KRTAP12-3: variants seen among roughly 807,000 people sequenced by gnomAD.
KRTAP12-3 encodes the protein keratin-associated protein 12-3.
A neutral mutation model predicts 0.2 loss-of-function variants in KRTAP12-3; 1 was observed. The ratio of observed to expected loss-of-function variants is 4.14; its 90% confidence interval spans 1.47 to 19.66. The LOEUF is 19.66. Ranked by LOEUF, KRTAP12-3 falls within the 30% of genes most tolerant of loss-of-function variation. The pLI, the probability that KRTAP12-3 is intolerant of heterozygous loss-of-function variation, is 0.11. For synonymous variants in KRTAP12-3, 61 were observed against 54.3 expected, an observed-to-expected ratio of 1.12 and a Z score of -0.54; for missense variants, 116 against 128.2, an observed-to-expected ratio of 0.90 and a Z score of 0.46.
In KRTAP12-3 at chr21:44,657,983, T is replaced by C. The variant is rs1555942872; in HGVS notation, c.4T>C (p.Cys2Arg). The change falls in exon 1 of 1, where the codon TGC (cysteine) becomes CGC (arginine). Residue 2 changes from cysteine (C) to arginine (R), a missense_variant. Coordinates refer to ENST00000397907, the MANE Select transcript of KRTAP12-3 (RefSeq NM_198697.2). ...ACCAGCCCAGCCACACGCCACCATG[T>C]GCCACACCAGCTGCTCCCCAGCCTG... is the stretch of plus-strand genomic sequence containing the variant. MCHTSCSPACQP... is the reference protein window; with the variant it reads MRHTSCSPACQP... The C allele has an allele frequency of 3.7e-6, 6 of 1,612,984 alleles. No homozygotes were observed. Among genetic ancestry groups the C allele is most frequent in the Non-Finnish European group, 5.1e-6 (6 of 1,179,316 alleles).
rs782163697 is a variant in KRTAP12-3, at chr21:44,658,316, G to A, written c.*46G>A. 2 of 1,572,592 alleles carry A rather than the reference G, an allele frequency of 1.3e-6. No homozygotes were observed. Among genetic ancestry groups the A allele is most frequent in the Non-Finnish European group, 1.7e-6 (2 of 1,149,232 alleles). ...GGGGTACACACCTGTATCCCTCCGT[G>A]AATAAGCATCTGGTGGACCCCCAGA... On this transcript the variant is annotated 3_prime_UTR_variant, in exon 1 of 1. Coordinates refer to ENST00000397907, the MANE Select transcript of KRTAP12-3 (RefSeq NM_198697.2).
chr21:44,658,168 C>A lies in KRTAP12-3; in HGVS notation c.189C>A (p.Ile63=). The change falls in exon 1 of 1, where the codon ATC becomes ATA. Residue 63 remains isoleucine (I), a synonymous_variant. Coordinates refer to ENST00000397907, the MANE Select transcript of KRTAP12-3 (RefSeq NM_198697.2). ...GCGTGCCCGTGAGCTGCAGGCCCAT[C>A]ATATATGTGACTCCCTCTTGCCAAT... ...SVCVPVSCRP[I]IYVTPSCQSS... The A allele has an allele frequency of 6.2e-7, 1 of 1,614,186 alleles. No homozygotes were observed. Among genetic ancestry groups the A allele is most frequent in the Non-Finnish European group, 8.5e-7 (1 of 1,180,020 alleles).
chr21:44,658,306 AT>A lies in KRTAP12-3; in HGVS notation c.*37del, dbSNP rs1555943020. The A allele has an allele frequency of 1.9e-6, 3 of 1,585,020 alleles. No homozygotes were observed. The highest frequency in any genetic ancestry group is 2.2e-5 in the South Asian group (2 of 89,184). On this transcript the variant is annotated 3_prime_UTR_variant, in exon 1 of 1. Transcript: ENST00000397907. ...CTGGTACACGGGGGTACACACCTGT[AT>A]CCCTCCGTGAATAAGCATCTGGTGG... is the stretch of plus-strand genomic sequence containing the variant.
In KRTAP12-3 at chr21:44,658,155, G is replaced by A. The variant is rs782687163; in HGVS notation, c.176G>A (p.Ser59Asn). 2 of 1,614,164 alleles carry A rather than the reference G, an allele frequency of 1.2e-6. No individual in the cohort carries two copies. Among genetic ancestry groups the A allele is most frequent in the South Asian group, 1.1e-5 (1 of 91,084 alleles). ...CAGCCCTCCGTGTGCGTGCCCGTGA[G>A]CTGCAGGCCCATCATATATGTGACT... is the stretch of plus-strand genomic sequence containing the variant. ...SCQPSVCVPV[S>N]CRPIIYVTPS... Residue 59 changes from serine to asparagine, a missense_variant, in exon 1 of 1, where the codon AGC becomes AAC. Transcript: ENST00000397907.
chr21:44,657,989 A>T lies in KRTAP12-3; in HGVS notation c.10A>T (p.Thr4Ser), dbSNP rs1985253500. The change falls in exon 1 of 1, where the codon ACC becomes TCC. Residue 4 changes from threonine to serine, a missense_variant. Coordinates refer to ENST00000397907, the MANE Select transcript of KRTAP12-3 (RefSeq NM_198697.2). MCH[T>S]SCSPACQPTC... ...CCAGCCACACGCCACCATGTGCCAC[A>T]CCAGCTGCTCCCCAGCCTGCCAGCC... is the stretch of plus-strand genomic sequence containing the variant. 1 of 1,613,152 alleles carries T rather than the reference A, an allele frequency of 6.2e-7. No individual in the cohort carries two copies. Among genetic ancestry groups the T allele is most frequent in the East Asian group, 2.2e-5 (1 of 44,874 alleles).
rs1368894930 is a variant in KRTAP12-3, at chr21:44,658,182, C to G, written c.203C>G (p.Pro68Arg). 5.0e-6 allele frequency: 8 copies of G among 1,614,034 alleles called. No individual in the cohort carries two copies. Among genetic ancestry groups the G allele is most frequent in the Non-Finnish European group, 6.8e-6 (8 of 1,180,008 alleles). Residue 68 changes from proline to arginine, a missense_variant, in exon 1 of 1, where the codon CCC becomes CGC. Transcript: ENST00000397907. ...VSCRPIIYVT[P>R]SCQSSGCCQP... is the part of the protein sequence containing the mutation. ...TGCAGGCCCATCATATATGTGACTC[C>G]CTCTTGCCAATCTTCGGGGTGCTGC... is the stretch of plus-strand genomic sequence containing the variant.
rs1985279764 is a variant in KRTAP12-3, at chr21:44,658,225, T to C, written c.246T>C (p.Thr82=). The C allele has an allele frequency of 6.2e-7, 1 of 1,614,144 alleles. No homozygotes were observed. Among genetic ancestry groups the C allele is most frequent in the East Asian group, 2.2e-5 (1 of 44,878 alleles). ...GGTGCTGCCAGCCCCCCTGCACCAC[T>C]GCCCTCTGCAGACCCATCTCCTGCA... ...SSGCCQPPCT[T]ALCRPISCST... is the part of the protein sequence containing the mutation. The change falls in exon 1 of 1, where the codon ACT becomes ACC. Residue 82 remains threonine, a synonymous_variant. Transcript: ENST00000397907.
rs1298678392 is a variant in KRTAP12-3, at chr21:44,658,162, G to A, written c.183G>A (p.Arg61=). The A allele has an allele frequency of 1.2e-6, 2 of 1,613,970 alleles. No homozygotes were observed. Among genetic ancestry groups the A allele is most frequent in the African/African-American group, 2.7e-5 (2 of 74,898 alleles). ...QPSVCVPVSC[R]PIIYVTPSCQ... is the part of the protein sequence containing the mutation. Reference sequence around the variant, plus strand: ...CCGTGTGCGTGCCCGTGAGCTGCAGGCCCATCATATATGTGACTCCCTCTT... The same window carrying A: ...CCGTGTGCGTGCCCGTGAGCTGCAGACCCATCATATATGTGACTCCCTCTT... Residue 61 remains arginine, a synonymous_variant, in exon 1 of 1, where the codon AGG becomes AGA. Coordinates refer to ENST00000397907, the MANE Select transcript of KRTAP12-3 (RefSeq NM_198697.2).
the KRTAP12-3 span, chr21:44,658,039 C>A: frequency 6.2e-7 from 1 of 1,613,870 alleles, no homozygotes; most frequent in Non-Finnish European, 8.5e-7. Context: ...ACAGCCCCTG[C>A]CAGGCATCCT....
At position 44,658,336 on chromosome 21, in the gene KRTAP12-3, C is replaced by T. The variant is rs1601538860; in HGVS notation, c.*66C>T. ...TCCGTGAATAAGCATCTGGTGGACC[C>T]CCAGATTGCACACATAGGGCAGATG... On this transcript the variant is annotated 3_prime_UTR_variant, in exon 1 of 1. Coordinates refer to ENST00000397907, the MANE Select transcript of KRTAP12-3 (RefSeq NM_198697.2). 2 of 1,468,780 alleles carry T rather than the reference C, an allele frequency of 1.4e-6. No individual in the cohort carries two copies. Among genetic ancestry groups the T allele is most frequent in the Non-Finnish European group, 1.9e-6 (2 of 1,062,732 alleles). The allele number at this position is 1,468,780 out of a possible 1,614,324, so 91.0% of individuals were successfully genotyped here. A position where few individuals can be genotyped will look rare whatever the true frequency, so the allele number is the denominator to read the frequency against.
chr21:44,658,333 A>T lies in KRTAP12-3; in HGVS notation c.*63A>T. 3.4e-6 allele frequency: 5 copies of T among 1,488,728 alleles called. No individual in the cohort carries two copies. The highest frequency in any genetic ancestry group is 4.6e-6 in the Non-Finnish European group (5 of 1,079,566). 92.2% of individuals were successfully genotyped at this position (1,488,728 alleles called of 1,614,324 possible). A position where few individuals can be genotyped will look rare whatever the true frequency, so the allele number is the denominator to read the frequency against. ...CCCTCCGTGAATAAGCATCTGGTGG[A>T]CCCCCAGATTGCACACATAGGGCAG... On this transcript the variant is annotated 3_prime_UTR_variant, in exon 1 of 1. Coordinates refer to ENST00000397907, the MANE Select transcript of KRTAP12-3 (RefSeq NM_198697.2).
rs1985260239 is a variant in KRTAP12-3 at position 44,658,057 on chromosome 21, G to A, written c.78G>A (p.Val26=). 6 of 1,611,848 alleles carry A rather than the reference G, an allele frequency of 3.7e-6. No homozygotes were observed. The highest frequency in any genetic ancestry group is 3.3e-5 in the Admixed American group (2 of 59,934). Residue 26 remains valine, a synonymous_variant, in exon 1 of 1, where the codon GTG becomes GTA. Transcript: ENST00000397907. Reference sequence around the variant, plus strand: ...GCCCCTGCCAGGCATCCTGCTATGTGCCCGTGAGCTGCCAGTCCTCCGTGT... The same window carrying A: ...GCCCCTGCCAGGCATCCTGCTATGTACCCGTGAGCTGCCAGTCCTCCGTGT... The part of the protein sequence containing the change: ...IHSPCQASCY[V]PVSCQSSVCM...
rs782479140 is a variant in KRTAP12-3, at chr21:44,658,144, C to T, written c.165C>T (p.Cys55=). 19 of 1,613,680 alleles carry T rather than the reference C, an allele frequency of 1.2e-5. No individual in the cohort carries two copies. The highest frequency in any genetic ancestry group is 1.4e-5 in the Non-Finnish European group (17 of 1,179,890). The change falls in exon 1 of 1, where the codon TGC becomes TGT. Residue 55 remains cysteine (C), a synonymous_variant. Transcript: ENST00000397907. ...CTCCCTCCTGCCAGCCCTCCGTGTG[C>T]GTGCCCGTGAGCTGCAGGCCCATCA... ...CVAPSCQPSV[C]VPVSCRPIIY... is the part of the protein sequence containing the mutation.
chr21:44,658,111 G>T lies in KRTAP12-3; in HGVS notation c.132G>T (p.Val44=). Residue 44 remains valine (V), a synonymous_variant, in exon 1 of 1, where the codon GTG becomes GTT. Transcript: ENST00000397907. ...VCMPVSCTRI[V]CVAPSCQPSV... ...TGCCCGTGAGCTGCACGCGCATTGT[G>T]TGCGTGGCTCCCTCCTGCCAGCCCT... 6.2e-7 allele frequency: 1 copy of T among 1,613,428 alleles called. No homozygotes were observed. Among genetic ancestry groups the T allele is most frequent in the Non-Finnish European group, 8.5e-7 (1 of 1,179,732 alleles).
chr21:44,658,074 C>T lies in KRTAP12-3; in HGVS notation c.95C>T (p.Ser32Phe). The T allele has an allele frequency of 6.2e-7, 1 of 1,614,024 alleles. No homozygotes were observed. Among genetic ancestry groups the T allele is most frequent in the African/African-American group, 1.3e-5 (1 of 75,034 alleles). The change falls in exon 1 of 1, where the codon TCC becomes TTC. Residue 32 changes from serine (S) to phenylalanine (F), a missense_variant. Transcript: ENST00000397907. ...ASCYVPVSCQ[S>F]SVCMPVSCTR... is the part of the protein sequence containing the mutation. ...TGCTATGTGCCCGTGAGCTGCCAGT[C>T]CTCCGTGTGCATGCCCGTGAGCTGC... is the stretch of plus-strand genomic sequence containing the variant.
chr21:44,658,199 G>A lies in KRTAP12-3; in HGVS notation c.220G>A (p.Gly74Arg). 1 of 1,614,020 alleles carries A rather than the reference G, an allele frequency of 6.2e-7. No homozygotes were observed. The highest frequency in any genetic ancestry group is 1.1e-5 in the South Asian group (1 of 91,084). ...TGTGACTCCCTCTTGCCAATCTTCGGGGTGCTGCCAGCCCCCCTGCACCAC... is the reference window on the plus strand; with the variant it reads ...TGTGACTCCCTCTTGCCAATCTTCGAGGTGCTGCCAGCCCCCCTGCACCAC... ...IYVTPSCQSS[G>R]CCQPPCTTAL... Residue 74 changes from glycine to arginine, a missense_variant, in exon 1 of 1, where the codon GGG becomes AGG. Transcript: ENST00000397907.
Position 44,658,008 on chromosome 21 carries a change from G to A in KRTAP12-3, c.29G>A (p.Cys10Tyr), listed in dbSNP as rs587707540. MCHTSCSPACQPTCCIHSPC... is the reference protein window; with the variant it reads MCHTSCSPAYQPTCCIHSPC... ...TGCCACACCAGCTGCTCCCCAGCCT[G>A]CCAGCCAACCTGCTGCATACACAGC... The change falls in exon 1 of 1, where the codon TGC (cysteine) becomes TAC (tyrosine). Residue 10 changes from cysteine to tyrosine, a missense_variant. Physicochemically the swap from Cys to Tyr is radical, Grantham distance 194 (BLOSUM62 -2). Coordinates refer to ENST00000397907, the MANE Select transcript of KRTAP12-3 (RefSeq NM_198697.2). 1.9e-6 allele frequency: 3 copies of A among 1,613,702 alleles called. No homozygotes were observed. The highest frequency in any genetic ancestry group is 1.7e-5 in the Admixed American group (1 of 59,970).
In KRTAP12-3 at chr21:44,658,201, G is replaced by A. The variant is rs782353512; in HGVS notation, c.222G>A (p.Gly74=). The change falls in exon 1 of 1, where the codon GGG becomes GGA. Residue 74 remains glycine (G), a synonymous_variant. Transcript: ENST00000397907. ...TGACTCCCTCTTGCCAATCTTCGGG[G>A]TGCTGCCAGCCCCCCTGCACCACTG... ...IYVTPSCQSS[G]CCQPPCTTAL... is the part of the protein sequence containing the mutation. The A allele has an allele frequency of 8.7e-6, 14 of 1,614,030 alleles. No homozygotes were observed. Among genetic ancestry groups the A allele is most frequent in the Non-Finnish European group, 1.2e-5 (14 of 1,179,988 alleles).
At chr21:44,658,159 C>A in the KRTAP12-3 span, 1 of 1,614,048 alleles carries the variant, frequency 6.2e-7, no homozygotes, top group African/African-American at 1.3e-5. Context: ...CCGTGAGCTG[C>A]AGGCCCATCA....
Sources: allele counts gnomAD v4.1 joint callset, GRCh38; gene constraint gnomAD v4.1.1; transcripts MANE v1.5; gene names NCBI Gene and HGNC (gene_info 2026-07-23, HGNC 2026-07-21).